Variants in ZNF189 observed in about 807,000 individuals in gnomAD.
ZNF189 encodes zinc finger protein 189.
Under a neutral mutation model 53.5 loss-of-function variants are expected in ZNF189, and 33 were observed. The ratio of observed to expected loss-of-function variants is 0.62; its 90% CI spans 0.47 to 0.82. The LOEUF is 0.82. Ranked by LOEUF, ZNF189 falls within the 40% of genes least tolerant of loss-of-function variation. The probability of loss-of-function intolerance (pLI) is 0.00; values close to 1 mark genes in which losing one functional copy is unlikely to be tolerated. For missense variants in ZNF189, 711 were observed against 753.9 expected, an observed-to-expected ratio of 0.94 and a Z score of 0.67; for synonymous variants, 247 against 238.8, an observed-to-expected ratio of 1.03 and a Z score of -0.32.
At chr9:101,407,908 A>G in intron 2 of ZNF189, 21 bp from the exon 3 acceptor site, 1 of 1,502,628 alleles carries the variant, frequency 6.7e-7, no homozygotes, top group Non-Finnish European at 8.8e-7. Context: ...TGATCTTTGT[A>G]TTTCCTTTTT....
At chr9:101,403,156 G>A (rs1588156397) in intron 2 of ZNF189, among the ~76,000 whole-genome samples, 1 of 151,026 alleles carries the variant, frequency 6.6e-6, no homozygotes, top group East Asian at 2.0e-4. Flanking sequence ...CTCAGTCACT[G>A]CCAGCTTATC....
At chr9:101,406,576 A>T (rs1240903707) in intron 2 of ZNF189, among the ~76,000 whole-genome samples, 1 of 152,202 alleles carries the variant, frequency 6.6e-6, no homozygotes, top group Non-Finnish European at 1.5e-5. Context: ...AAGAAATAAA[A>T]TTTCTAGTAG....
At chr9:101,402,820 T>G (rs1486426221) in intron 2 of ZNF189, among the ~76,000 whole-genome samples, 2 of 152,204 alleles carry the variant, frequency 1.3e-5, no homozygotes. Flanking sequence ...ACAGTTAACT[T>G]AAGACTCAGT....
rs1051533166 is a variant in ZNF189, at chr9:101,408,635, C to G, written c.867C>G (p.His289Gln). Residue 289 changes from histidine (H) to glutamine (Q), a missense_variant, in exon 3 of 3, where the codon CAC becomes CAG. His to Gln is a conservative substitution (Grantham distance 24). Transcript: ENST00000339664. Reference sequence around the variant, plus strand: ...CTCACACTGGTGAGAAACCTTATCACTGTACCAAATGTAAGAAGAGCTTTA... The same window carrying G: ...CTCACACTGGTGAGAAACCTTATCAGTGTACCAAATGTAAGAAGAGCTTTA... ...QRTHTGEKPY[H>Q]CTKCKKSFSR... 6.2e-7 allele frequency: 1 copy of G among 1,613,554 alleles called. No individual in the cohort carries two copies. The highest frequency in any genetic ancestry group is 1.7e-5 in the Admixed American group (1 of 59,960).
chr9:101,409,224 T>G lies in ZNF189; in HGVS notation c.1456T>G (p.Cys486Gly). The change falls in exon 3 of 3, where the codon TGT becomes GGT. Residue 486 changes from cysteine to glycine, a missense_variant. By Grantham distance (159) the Cys-to-Gly change is radical (BLOSUM62 -3). Coordinates refer to ENST00000339664, the MANE Select transcript of ZNF189 (RefSeq NM_003452.4). Reference protein sequence around the residue: ...RIHTGEKPYLCTVCGKSFSRS... With the variant: ...RIHTGEKPYLGTVCGKSFSRS... ...CCACACTGGTGAAAAGCCCTATCTA[T>G]GTACTGTCTGTGGGAAAAGCTTCAG... The G allele has an allele frequency of 6.2e-7, 1 of 1,613,546 alleles. No homozygotes were observed. The highest frequency in any genetic ancestry group is 1.3e-5 in the African/African-American group (1 of 75,058).
In ZNF189 at chr9:101,408,350, T is replaced by G; in HGVS notation, c.582T>G (p.His194Gln). The stretch of plus-strand genomic sequence containing the variant: ...GTCGCAGTTCATTTGTTATTGAACA[T>G]CAGAGAATTCACACTGGGGAAAGGC... ...SFSRSSFVIEHQRIHTGERPY... is the reference protein window; with the variant it reads ...SFSRSSFVIEQQRIHTGERPY... Residue 194 changes from histidine to glutamine, a missense_variant, in exon 3 of 3, where the codon CAT becomes CAG. By Grantham distance (24) the His-to-Gln change is conservative. Coordinates refer to ENST00000339664, the MANE Select transcript of ZNF189 (RefSeq NM_003452.4). 24 of 1,614,140 alleles carry G rather than the reference T, an allele frequency of 1.5e-5. No homozygotes were observed. Among genetic ancestry groups the G allele is most frequent in the Non-Finnish European group, 2.0e-5 (24 of 1,180,022 alleles).
Position 101,401,785 on chromosome 9 carries a change from C to G in ZNF189, c.160+1775C>G, listed in dbSNP as rs1334516746. On this transcript the variant is annotated intron_variant, in intron 2 of 2. Coordinates refer to ENST00000339664, the MANE Select transcript of ZNF189 (RefSeq NM_003452.4). ...TGGGACCTTATTTTAGTCTACCTCT[C>G]TATGAATATGTGAAACTCTTTATTG... is the stretch of plus-strand genomic sequence containing the variant. Among the ~76,000 whole-genome samples the G allele has an allele frequency of 2.0e-5, 3 of 152,212 alleles. No homozygotes were observed. The South Asian group carries it at 6.2e-4, about 32-fold the overall frequency.
chr9:101,399,290 G>A (rs916297082), intron 1 of ZNF189, 101 bp downstream of exon 1: 140 of 1,427,996 alleles, frequency 9.8e-5, no homozygotes, highest in Non-Finnish European at 1.2e-4. Flanking sequence ...CCTCCTGACC[G>A]CCTCTTTAGG....
chr9:101,403,409 C>T (rs181192951), intron 2 of ZNF189, among the ~76,000 whole-genome samples: 7 of 152,300 alleles, frequency 4.6e-5, no homozygotes, highest in African/African-American at 1.7e-4. Flanking sequence ...TGAGAGCTCC[C>T]TTGATGAGAG....
rs1830776035 is a variant in ZNF189 at position 101,408,011 on chromosome 9, T to TGGTTTATAG, written c.244_245insGTTTATAGG (p.Gly81_Val82insGlyLeuTer). 6.2e-7 allele frequency: 1 copy of TGGTTTATAG among 1,612,922 alleles called. No individual in the cohort carries two copies. The highest frequency in any genetic ancestry group is 1.7e-5 in the Admixed American group (1 of 59,858). On this transcript the variant is annotated stop_gained and inframe_insertion, in exon 3 of 3. Coordinates refer to ENST00000339664, the MANE Select transcript of ZNF189 (RefSeq NM_003452.4). LOFTEE classifies it high-confidence loss of function. ...TTGAGGAAGAAGTGGAACCACAGGGTGTAATAGTTACAAGAATCAAAAGTG... is the reference window on the plus strand; with the variant it reads ...TTGAGGAAGAAGTGGAACCACAGGGTGGTTTATAGGTAATAGTTACAAGAATCAAAAGTG...
Position 101,399,013 on chromosome 9 carries a change from T to TG in ZNF189, c.-139dup. On this transcript the variant is annotated 5_prime_UTR_variant, in exon 1 of 3. Coordinates refer to ENST00000339664, the MANE Select transcript of ZNF189 (RefSeq NM_003452.4). ...ATATGCTGTTGGGGTCGTGACCGTC[T>TG]GGGGGCCGAGGCAGGCACTGGCCAG... The TG allele has an allele frequency of 1.4e-6, 1 of 732,214 alleles. No individual in the cohort carries two copies. Among genetic ancestry groups the TG allele is most frequent in the Non-Finnish European group, 2.5e-6 (1 of 398,614 alleles). The allele number at this position is 732,214 out of a possible 1,614,324, so 45.4% of individuals were successfully genotyped here.
intron 2 of ZNF189, chr9:101,407,447 G>A (rs191926903): frequency 9.8e-4 from 392 of 398,530 alleles, no homozygotes; most frequent in African/African-American, 7.3e-3. Context: ...GTGCAGCGAC[G>A]CAAACACAGC....
intron 2 of ZNF189, among the ~76,000 whole-genome samples, chr9:101,404,548 G>A (rs1460836711): frequency 6.6e-6 from 1 of 151,954 alleles, no homozygotes; most frequent in East Asian, 1.9e-4. Context: ...TAGGTTTTAT[G>A]TTTTTTGTTA....
Position 101,399,193 on chromosome 9 carries a change from A to G in ZNF189, c.33+4A>G, listed in dbSNP as rs761287807. ...GAGCCCCCCGCCGGAGTCGAAGGTA[A>G]GTAAGCACCCCCCCGGGGATCCCGG... On this transcript the variant is annotated splice_donor_region_variant and intron_variant, in intron 1 of 2. Coordinates refer to ENST00000339664, the MANE Select transcript of ZNF189 (RefSeq NM_003452.4). 5.0e-6 allele frequency: 8 copies of G among 1,590,000 alleles called. No homozygotes were observed. The South Asian group carries it at 7.8e-5, about 16-fold the overall frequency.
At chr9:101,406,110 T>G (rs890547922) in intron 2 of ZNF189, among the ~76,000 whole-genome samples, 4 of 151,666 alleles carry the variant, frequency 2.6e-5, no homozygotes, top group Non-Finnish European at 5.9e-5. Context: ...GGTAATCTAA[T>G]GAGAAGTTTC....
intron 2 of ZNF189, chr9:101,407,451 A>G: frequency 2.5e-6 from 1 of 398,802 alleles, no homozygotes; most frequent in Non-Finnish European, 4.4e-6. Flanking sequence ...AGCGACGCAA[A>G]CACAGCTTGC....
At chr9:101,400,814 G>A (rs938114852) in intron 2 of ZNF189, among the ~76,000 whole-genome samples, 2 of 152,256 alleles carry the variant, frequency 1.3e-5, no homozygotes, top group Non-Finnish European at 1.5e-5. Context: ...CCAGTTATTC[G>A]GAAATGGAAG....
chr9:101,400,164 C>T (rs1830481127), intron 2 of ZNF189, among the ~76,000 whole-genome samples, 154 bp downstream of exon 2: 1 of 152,232 alleles, frequency 6.6e-6, no homozygotes, highest in African/African-American at 2.4e-5. Context: ...TAACTCTCAT[C>T]CCTAGCTTCC....
rs1425843827 is a variant in ZNF189 at position 101,409,578 on chromosome 9, TGTG to T, written c.1814_1816del (p.Gly605del). Reference sequence around the variant, plus strand: ...CCAAGAAACCCATGAATGTGACGCTTGTGGTGAAGCCTTTAATTGCCGTATTTC... The same window carrying T: ...CCAAGAAACCCATGAATGTGACGCTTGTGAAGCCTTTAATTGCCGTATTTC... On this transcript the variant is annotated inframe_deletion, in exon 3 of 3. Transcript: ENST00000339664. 9 of 1,613,880 alleles carry T rather than the reference TGTG, an allele frequency of 5.6e-6. No individual in the cohort carries two copies. The highest frequency in any genetic ancestry group is 2.2e-5 in the East Asian group (1 of 44,872).
Sources: gnomAD v4.1 joint callset for allele counts (sites outside exome capture counted in the v4.1 genomes callset) on GRCh38, gnomAD v4.1.1 for gene constraint, MANE v1.5 for transcripts, NCBI Gene and HGNC (gene_info 2026-07-23, HGNC 2026-07-21) for gene names.